The following RAP1GAP2 variants were observed in gnomAD, a reference collection of about 807,000 sequenced individuals.
RAP1GAP2 encodes the protein rap1 GTPase-activating protein 2.
A neutral mutation model predicts 95.0 loss-of-function variants in RAP1GAP2; 27 were observed. The ratio of observed to expected loss-of-function variants is 0.28; its 90% CI spans 0.21 to 0.39. The LOEUF is 0.39. Ranked by LOEUF, RAP1GAP2 falls within the 10% of genes least tolerant of loss-of-function variation. The probability of loss-of-function intolerance (pLI) is 1.00; values close to 1 mark genes in which losing one functional copy is unlikely to be tolerated. For missense variants in RAP1GAP2, 771 were observed against 970.0 expected (o/e 0.79, Z 2.72); for synonymous variants, 373 against 380.9 (o/e 0.98, Z 0.24).
chr17:2,769,225 A>C (rs1319821333), intron 1 of RAP1GAP2, among the ~76,000 whole-genome samples: 2 of 110,240 alleles, frequency 1.8e-5, no homozygotes, highest in African/African-American at 7.2e-5. Flanking sequence ...AAGTGAAACC[A>C]TTTCTCTAAA....
At chr17:2,826,138 G>A (rs1430976847) in intron 2 of RAP1GAP2, among the ~76,000 whole-genome samples, 4 of 137,276 alleles carry the variant, frequency 2.9e-5, no homozygotes, top group African/African-American at 1.1e-4. Context: ...CCACCACCAC[G>A]CCCAGCAAAT....
At chr17:2,758,111 C>T (rs1269601674) in intron 1 of RAP1GAP2, among the ~76,000 whole-genome samples, 17 of 151,118 alleles carry the variant, frequency 1.1e-4, no homozygotes, top group Admixed American at 7.3e-4. Context: ...CCTCATGATC[C>T]GCCCGCCTTG....
At chr17:3,023,521 A>G (rs1859548477) in intron 19 of RAP1GAP2, among the ~76,000 whole-genome samples, 1 of 152,240 alleles carries the variant, frequency 6.6e-6, no homozygotes, top group South Asian at 2.1e-4. Flanking sequence ...AGGCAGGGTT[A>G]TGGAGAAGGA....
intron 10 of RAP1GAP2, 119 bp from the exon 11 acceptor site, chr17:2,984,864 A>G (rs2045500782): frequency 2.0e-6 from 3 of 1,507,262 alleles, no homozygotes; most frequent in Non-Finnish European, 2.7e-6. Flanking sequence ...GTGTATGTGG[A>G]TGTTTCATAC....
intron 1 of RAP1GAP2, among the ~76,000 whole-genome samples, chr17:2,766,233 C>A (rs1433898361): frequency 6.6e-6 from 1 of 152,122 alleles, no homozygotes; most frequent in African/African-American, 2.4e-5. Context: ...CCCAGTGAGT[C>A]CTTGTTATGA....
rs1457766201 is a variant in RAP1GAP2, at chr17:2,866,141, C to T, written c.81-39143C>T. Among the ~76,000 whole-genome samples the T allele has an allele frequency of 2.0e-5, 3 of 152,188 alleles. No individual in the cohort carries two copies. Among genetic ancestry groups the T allele is most frequent in the Admixed American group, 6.5e-5 (1 of 15,284 alleles). ...AGTTGGTGGCATTTGAAGTGGGCCT[C>T]GGGGACTGGACAGGATGTCTGAAGG... On this transcript the variant is annotated intron_variant, in intron 2 of 24. Transcript: ENST00000254695. The surrounding 1 kb of genome is among the most constrained non-coding windows in gnomAD (Gnocchi z 4.0).
At chr17:2,983,572 A>G (rs2045451466) in intron 10 of RAP1GAP2, among the ~76,000 whole-genome samples, 1 of 152,224 alleles carries the variant, frequency 6.6e-6, no homozygotes, top group Non-Finnish European at 1.5e-5. Flanking sequence ...TGGTCTTCAA[A>G]TTCAGCTCAG....
chr17:2,980,744 G>T (rs920837619), intron 9 of RAP1GAP2, among the ~76,000 whole-genome samples: 5 of 152,160 alleles, frequency 3.3e-5, no homozygotes, highest in African/African-American at 1.2e-4. Context: ...CACAGCAGAG[G>T]AAAGGGCTGA....
intron 8 of RAP1GAP2, among the ~76,000 whole-genome samples, chr17:2,972,769 CAAGA>C (rs900041331): frequency 6.8e-4 from 103 of 152,158 alleles, no homozygotes; most frequent in African/African-American, 1.7e-3. Context: ...TCACTATAGC[CAAGA>C]AAGAGTTATT....
At chr17:2,803,607 G>C (rs1445901606) in intron 2 of RAP1GAP2, among the ~76,000 whole-genome samples, 1 of 152,218 alleles carries the variant, frequency 6.6e-6, no homozygotes, top group African/African-American at 2.4e-5. Flanking sequence ...GGCCAGGCGC[G>C]ATGGCTCACG....
chr17:2,861,757 A>G (rs2072404364), intron 2 of RAP1GAP2, among the ~76,000 whole-genome samples: 1 of 151,998 alleles, frequency 6.6e-6, no homozygotes, highest in Non-Finnish European at 1.5e-5. Flanking sequence ...CTCCTGCCTC[A>G]GCCTGGGCCC....
chr17:2,856,601 G>C (rs2072147839), intron 2 of RAP1GAP2, among the ~76,000 whole-genome samples: 1 of 152,210 alleles, frequency 6.6e-6, no homozygotes, highest in African/African-American at 2.4e-5. Context: ...GGGGCAGCCA[G>C]GTGGGTTTGA....
rs2151602769 is a variant in RAP1GAP2 at position 3,004,388 on chromosome 17, C to T, written c.1201-981C>T. ...GTGCCCAGCTGCCTGCTCACCCGGCCTGGCAGACTCTGCATCTGCTCCACT... is the reference window on the plus strand; with the variant it reads ...GTGCCCAGCTGCCTGCTCACCCGGCTTGGCAGACTCTGCATCTGCTCCACT... On this transcript the variant is annotated intron_variant, in intron 14 of 24. Transcript: ENST00000254695. The surrounding 1 kb of genome is among the most constrained non-coding windows in gnomAD (Gnocchi z 4.1). Among the ~76,000 whole-genome samples the T allele has an allele frequency of 6.6e-6, 1 of 152,376 alleles. No individual in the cohort carries two copies. Among genetic ancestry groups the T allele is most frequent in the East Asian group, 1.9e-4 (1 of 5,184 alleles).
intron 2 of RAP1GAP2, among the ~76,000 whole-genome samples, chr17:2,877,391 G>A (rs1298187540): frequency 6.6e-6 from 1 of 152,164 alleles, no homozygotes; most frequent in South Asian, 2.1e-4. Context: ...TCCGTCCTCC[G>A]TAAGGCAGCC....
At position 2,796,564 on chromosome 17, in the gene RAP1GAP2, T is replaced by C; in HGVS notation, c.37T>C (p.Phe13Leu). The change falls in exon 1 of 25, where the codon TTC becomes CTC. Residue 13 changes from phenylalanine (F) to leucine (L), a missense_variant. Coordinates refer to ENST00000254695, the MANE Select transcript of RAP1GAP2 (RefSeq NM_015085.5). The surrounding 1 kb of genome is among the most constrained non-coding windows in gnomAD (Gnocchi z 4.7). Reference sequence around the variant, plus strand: ...GAAGCGCAGTGTCTCCTTTGGGGGCTTCGGATGGTGGGTGACAGGTGGGAG... The same window carrying C: ...GAAGCGCAGTGTCTCCTTTGGGGGCCTCGGATGGTGGGTGACAGGTGGGAG... ...GRKRSVSFGG[F>L]GWIDKTMLAS... 3.2e-6 allele frequency: 5 copies of C among 1,563,110 alleles called. No homozygotes were observed. The highest frequency in any genetic ancestry group is 3.5e-6 in the Non-Finnish European group (4 of 1,153,600).
At chr17:2,989,779 A>G (rs187126348) in intron 11 of RAP1GAP2, among the ~76,000 whole-genome samples, 76 of 152,212 alleles carry the variant, frequency 5.0e-4, no homozygotes, top group African/African-American at 1.7e-3. Context: ...TTATATCTCA[A>G]TGAAGTGTGC....
chr17:2,899,660 G>A (rs1021256775), intron 2 of RAP1GAP2, among the ~76,000 whole-genome samples: 2 of 151,918 alleles, frequency 1.3e-5, no homozygotes, highest in Admixed American at 6.6e-5. Context: ...ACAGACATGC[G>A]CCATCATGCC....
At chr17:2,942,913 A>G (rs982489564) in intron 3 of RAP1GAP2, among the ~76,000 whole-genome samples, 5 of 151,928 alleles carry the variant, frequency 3.3e-5, no homozygotes, top group Admixed American at 6.6e-5. Context: ...GATGACAGGC[A>G]CTCACCACCC....
At chr17:2,848,349 C>A (rs942488406) in intron 2 of RAP1GAP2, among the ~76,000 whole-genome samples, 1 of 152,138 alleles carries the variant, frequency 6.6e-6, no homozygotes, top group African/African-American at 2.4e-5. Context: ...TTGAGGCCTC[C>A]GAGTCCTGGC....
Sources: allele counts gnomAD v4.1 joint callset (sites outside exome capture counted in the v4.1 genomes callset), GRCh38; gene constraint gnomAD v4.1.1; non-coding constraint Gnocchi (gnomAD v3.1); transcripts MANE v1.5; gene names NCBI Gene and HGNC (gene_info 2026-07-23, HGNC 2026-07-21).